The following CAST variants were observed in gnomAD, a reference collection of about 807,000 sequenced individuals.
The protein encoded by CAST is calpastatin.
A neutral mutation model predicts 119.6 loss-of-function variants in CAST; 76 were observed. The observed-to-expected ratio is 0.64, with a 90% CI of 0.53 to 0.77. The LOEUF (loss-of-function observed/expected upper bound fraction) is 0.77, where lower values mean the gene tolerates loss of function less well. CAST is among the 30% of genes least tolerant of loss of function. The pLI, the probability that CAST is intolerant of heterozygous loss-of-function variation, is 0.00. For synonymous variants in CAST, 319 were observed against 331.6 expected (o/e 0.96, Z 0.41); for missense variants, 953 against 946.5 (o/e 1.01, Z -0.09).
the CAST span, among the ~76,000 whole-genome samples, chr5:96,170,348 C>G: frequency 1.3e-5 from 2 of 152,134 alleles, no homozygotes; most frequent in African/African-American, 4.8e-5. Context: ...TAGCAAGCTG[C>G]GGGAGGAGGT....
chr5:96,114,089 A>G, the CAST span, among the ~76,000 whole-genome samples: 1 of 152,272 alleles, frequency 6.6e-6, no homozygotes, highest in East Asian at 1.9e-4. Flanking sequence ...AAACAGTTTG[A>G]TCATCTTCTC....
chr5:96,113,857 G>A, the CAST span, among the ~76,000 whole-genome samples: 5 of 152,250 alleles, frequency 3.3e-5, no homozygotes, highest in East Asian at 1.9e-4. Flanking sequence ...TGTTAGTTTC[G>A]TTATGTTATT....
chr5:96,346,100 G>T, the CAST span, among the ~76,000 whole-genome samples: 4 of 152,132 alleles, frequency 2.6e-5, no homozygotes, highest in African/African-American at 9.7e-5. Context: ...GTGCCAGTAG[G>T]CTAACATCCT....
chr5:96,665,741 CAT>C (rs1173776323), intron 1 of CAST, among the ~76,000 whole-genome samples: 20 of 151,370 alleles, frequency 1.3e-4, no homozygotes, highest in Non-Finnish European at 2.1e-4. Context: ...CACACACACA[CAT>C]ACACACACAC....
the CAST span, among the ~76,000 whole-genome samples, chr5:96,245,644 G>A: frequency 6.6e-6 from 1 of 150,764 alleles, no homozygotes; most frequent in Non-Finnish European, 1.5e-5. Context: ...AAAACAAATA[G>A]TGAGTAGACA....
the CAST span, among the ~76,000 whole-genome samples, chr5:96,075,878 C>T: frequency 6.6e-6 from 1 of 152,052 alleles, no homozygotes; most frequent in Non-Finnish European, 1.5e-5. Flanking sequence ...AATTTTTTCC[C>T]TTGGGAGTTT....
At chr5:96,011,611 G>A in the CAST span, among the ~76,000 whole-genome samples, 2 of 152,234 alleles carry the variant, frequency 1.3e-5, no homozygotes, top group South Asian at 4.1e-4. Flanking sequence ...GTACCACACT[G>A]TCTATTGTAA....
At chr5:96,659,223 T>A (rs936513939), upstream of CAST, among the ~76,000 whole-genome samples, 30 of 152,168 alleles carry the variant, frequency 2.0e-4, no homozygotes, top group African/African-American at 7.0e-4. Context: ...TACCAAAATG[T>A]GGGTAGACAT....
the CAST span, chr5:95,961,488 C>T: frequency 7.4e-7 from 1 of 1,346,912 alleles, no homozygotes; most frequent in Non-Finnish European, 9.6e-7. Context: ...CCAGCCACGG[C>T]TCCGCCGGCC....
chr5:96,118,967 C>T, the CAST span, among the ~76,000 whole-genome samples: 3 of 152,108 alleles, frequency 2.0e-5, no homozygotes, highest in Admixed American at 2.0e-4. Flanking sequence ...GGACATTATA[C>T]AGAGAGCAGC....
chr5:96,016,434 T>G, the CAST span, among the ~76,000 whole-genome samples: 1 of 152,198 alleles, frequency 6.6e-6, no homozygotes, highest in African/African-American at 2.4e-5. Context: ...ATCCTGTTAG[T>G]TTTTATATTT....
the CAST span, among the ~76,000 whole-genome samples, chr5:96,062,583 T>C: frequency 3.3e-5 from 5 of 152,056 alleles, no homozygotes; most frequent in Non-Finnish European, 5.9e-5. Flanking sequence ...CCTATGAAAC[T>C]TTAAGCTGTG....
chr5:96,562,494 G>A (rs1746397147), intron 1 of CAST, among the ~76,000 whole-genome samples: 1 of 152,114 alleles, frequency 6.6e-6, no homozygotes, highest in African/African-American at 2.4e-5. Flanking sequence ...TGATAGTAAG[G>A]GTGTGGGGAA....
chr5:96,761,998 A>G (rs1231158611), intron 24 of CAST: 7 of 252,126 alleles, frequency 2.8e-5, no homozygotes, highest in Non-Finnish European at 5.3e-5. Flanking sequence ...GTACAACAGG[A>G]AATGTGTAAA....
At position 96,727,189 on chromosome 5, in the gene CAST, T is replaced by C. The variant is rs1375420311; in HGVS notation, c.337-300T>C. On this transcript the variant is annotated intron_variant, in intron 5 of 31. Coordinates refer to ENST00000675179, the MANE Select transcript of CAST (RefSeq NM_001750.7). ...GAAGGTTTTTATTTTCTGTTGCCCA[T>C]TTATGTGTTACCATGTAAATAGTAA... Among the ~76,000 whole-genome samples, 3 of 152,228 alleles carry C rather than the reference T, an allele frequency of 2.0e-5. No individual in the cohort carries two copies. The East Asian group carries it at 5.8e-4, about 29-fold the overall frequency.
chr5:96,740,017 A>C (rs1762363471), intron 11 of CAST, 21 bp from the exon 12 acceptor site: 2 of 1,198,416 alleles, frequency 1.7e-6, no homozygotes, highest in Non-Finnish European at 2.5e-6. Flanking sequence ...TAATATCCCT[A>C]TGTGTATGAT....
intron 1 of CAST, among the ~76,000 whole-genome samples, chr5:96,673,512 A>G (rs1490375648): frequency 6.6e-6 from 1 of 152,228 alleles, no homozygotes; most frequent in Non-Finnish European, 1.5e-5. Context: ...GTTTGTAGTT[A>G]TATAACCAAT....
chr5:96,023,562 T>C, the CAST span, among the ~76,000 whole-genome samples: 1 of 152,196 alleles, frequency 6.6e-6, no homozygotes, highest in Non-Finnish European at 1.5e-5. Context: ...TCTGAAACAT[T>C]GTTTTCTTCT....
At chr5:96,380,130 G>A in the CAST span, among the ~76,000 whole-genome samples, 3 of 152,058 alleles carry the variant, frequency 2.0e-5, no homozygotes, top group Non-Finnish European at 4.4e-5. Flanking sequence ...CTGCAAAGCC[G>A]GCATGATTTC....
Sources: gnomAD v4.1 joint callset for allele counts (sites outside exome capture counted in the v4.1 genomes callset) on GRCh38, gnomAD v4.1.1 for gene constraint, MANE v1.5 for transcripts, NCBI Gene and HGNC (gene_info 2026-07-23, HGNC 2026-07-21) for gene names.